The following ZNF334 variants were observed in gnomAD, a reference collection of about 807,000 sequenced individuals.
The protein encoded by ZNF334 is zinc finger protein 334.
In ZNF334, 14 loss-of-function variants were observed where a neutral mutation model predicts 12.4. The ratio of observed to expected loss-of-function variants is 1.13; its 90% CI spans 0.74 to 1.76. ZNF334 has a LOEUF of 1.76. Among genes scored for constraint, ZNF334 ranks in the 40% most tolerant of loss-of-function variants. The probability of loss-of-function intolerance (pLI) is 0.00; values close to 1 mark genes in which losing one functional copy is unlikely to be tolerated. For missense variants in ZNF334, 797 were observed against 804.5 expected, an observed-to-expected ratio of 0.99 and a Z score of 0.11; for synonymous variants, 273 against 269.6, an observed-to-expected ratio of 1.01 and a Z score of -0.12.
chr20:46,488,501 C>G, the ZNF334 span, among the ~76,000 whole-genome samples: 1 of 148,120 alleles, frequency 6.8e-6, no homozygotes, highest in Non-Finnish European at 1.5e-5. Context: ...ATTTTACTTT[C>G]ACGTTATAAG....
the ZNF334 span, among the ~76,000 whole-genome samples, chr20:46,488,419 T>TTATTTATATATATATATA: frequency 3.0e-4 from 31 of 102,214 alleles, 1 homozygote; most frequent in East Asian, 1.8e-3. Context: ...AGCTCTTATT[T>TTATTTATATATATATATA]TATATATATA....
the ZNF334 span, among the ~76,000 whole-genome samples, chr20:46,486,165 CTA>C: frequency 6.6e-6 from 1 of 152,192 alleles, no homozygotes; most frequent in African/African-American, 2.4e-5. Flanking sequence ...CACTGTTGCT[CTA>C]GTCAAGATTC....
chr20:46,468,119 G>T, the ZNF334 span, among the ~76,000 whole-genome samples: 370 of 152,280 alleles, frequency 2.4e-3, no homozygotes, highest in African/African-American at 8.3e-3. Context: ...GCTTAGCCTG[G>T]GACAGTTTTT....
intron 2 of ZNF334, chr20:46,506,535 G>A (rs1247576038): frequency 3.1e-5 from 12 of 389,664 alleles, no homozygotes; most frequent in Non-Finnish European, 5.4e-5. Flanking sequence ...AGGATCACTT[G>A]AGTCTGGGAG....
chr20:46,486,789 C>T, the ZNF334 span, among the ~76,000 whole-genome samples: 32 of 152,088 alleles, frequency 2.1e-4, no homozygotes, highest in Non-Finnish European at 8.8e-5. Flanking sequence ...ACTTGTCTTT[C>T]CTGCATCTCA....
the ZNF334 span, chr20:46,477,179 T>C: frequency 6.6e-6 from 1 of 152,122 alleles, no homozygotes; most frequent in South Asian, 2.1e-4. Flanking sequence ...ACAAAGATAA[T>C]TGCACAGATT....
chr20:46,463,707 G>T, the ZNF334 span: 1 of 217,220 alleles, frequency 4.6e-6, no homozygotes, highest in South Asian at 8.2e-5. Context: ...TTTTTCCACA[G>T]AGAAAATAAC....
chr20:46,501,639 G>T lies in ZNF334; in HGVS notation c.1700C>A (p.Thr567Lys). The T allele has an allele frequency of 6.2e-7, 1 of 1,614,040 alleles. No homozygotes were observed. The highest frequency in any genetic ancestry group is 8.5e-7 in the Non-Finnish European group (1 of 1,179,964). ...ATTACACTCATAGGGTCTCTGTCCT[G>T]TGTGTGTTCTCTGATGGTGAGTCAG... ...SALTHHQRTH[T>K]GQRPYECNEC... Residue 567 changes from threonine to lysine, a missense_variant, in exon 5 of 5, where the codon ACA becomes AAA. Coordinates refer to ENST00000692313, the MANE Select transcript of ZNF334 (RefSeq NM_001353824.2).
At chr20:46,480,690 C>CTGGG in the ZNF334 span, among the ~76,000 whole-genome samples, 1 of 152,132 alleles carries the variant, frequency 6.6e-6, no homozygotes, top group African/African-American at 2.4e-5. Flanking sequence ...AGGTAGTGAG[C>CTGGG]TGGGCTTGAT....
the ZNF334 span, among the ~76,000 whole-genome samples, chr20:46,466,486 A>AT: frequency 2.0e-5 from 3 of 151,856 alleles, no homozygotes; most frequent in African/African-American, 2.4e-5. Flanking sequence ...TTATTTATTT[A>AT]TTTATTTTAT....
At chr20:46,468,306 C>T in the ZNF334 span, among the ~76,000 whole-genome samples, 3 of 150,920 alleles carry the variant, frequency 2.0e-5, no homozygotes, top group South Asian at 2.1e-4. Context: ...GACGGAGTCT[C>T]GCTCTGTCGC....
At chr20:46,510,586 C>T (rs1344048723) in intron 2 of ZNF334, among the ~76,000 whole-genome samples, 2 of 151,568 alleles carry the variant, frequency 1.3e-5, no homozygotes, top group East Asian at 1.9e-4. Flanking sequence ...ATTAGCCAGG[C>T]GTGGTGGCGG....
chr20:46,504,119 A>G (rs1020638506), intron 4 of ZNF334, 95 bp downstream of exon 4: 25 of 823,982 alleles, frequency 3.0e-5, no homozygotes, highest in Admixed American at 2.3e-4. Context: ...ACAAAAAGAA[A>G]TTCATGAAAA....
chr20:46,504,552 A>G, intron 3 of ZNF334, 62 bp downstream of exon 3: 1 of 1,521,818 alleles, frequency 6.6e-7, no homozygotes, highest in East Asian at 2.3e-5. Context: ...AGAAATCAAC[A>G]TGTTTTTGTA....
the ZNF334 span, among the ~76,000 whole-genome samples, chr20:46,468,086 G>A: frequency 6.6e-6 from 1 of 152,186 alleles, no homozygotes; most frequent in Non-Finnish European, 1.5e-5. Flanking sequence ...ATTGATGTAG[G>A]GCAGGCAAGC....
rs117248419 is a variant in ZNF334, at chr20:46,506,444, G to A, written c.22-1704C>T. 7.6e-3 allele frequency: 3,164 copies of A among 417,692 alleles called. 83 individuals carry two copies. Among genetic ancestry groups the A allele is most frequent in the East Asian group, 0.072 (2,040 of 28,412 alleles). The allele number at this position is 417,692 out of a possible 1,614,324, so 25.9% of individuals were successfully genotyped here. A position where few individuals can be genotyped will look rare whatever the true frequency, so the allele number is the denominator to read the frequency against. On this transcript the variant is annotated intron_variant, in intron 2 of 4. Transcript: ENST00000692313. Reference sequence around the variant, plus strand: ...AGCTCAAGATCAGTCTGGGCAACACGGCAAAACCCCATCTCTACAAAAAAA... The same window carrying A: ...AGCTCAAGATCAGTCTGGGCAACACAGCAAAACCCCATCTCTACAAAAAAA...
the ZNF334 span, chr20:46,492,817 CTTTT>C: frequency 8.7e-4 from 133 of 152,228 alleles, 1 homozygote; most frequent in African/African-American, 3.1e-3. Context: ...CAGAAATGTA[CTTTT>C]TTTATTGCAC....
chr20:46,463,162 G>A, the ZNF334 span, among the ~76,000 whole-genome samples: 2 of 152,118 alleles, frequency 1.3e-5, no homozygotes, highest in East Asian at 1.9e-4. Flanking sequence ...CAGGAGAATC[G>A]CTTGAACCTA....
the ZNF334 span, among the ~76,000 whole-genome samples, chr20:46,486,765 A>T: frequency 6.6e-6 from 1 of 152,028 alleles, no homozygotes; most frequent in Non-Finnish European, 1.5e-5. Context: ...TGAATTTTAC[A>T]CTCCACCCAC....
Sources: allele counts gnomAD v4.1 joint callset (sites outside exome capture counted in the v4.1 genomes callset), GRCh38; gene constraint gnomAD v4.1.1; transcripts MANE v1.5; gene names NCBI Gene and HGNC (gene_info 2026-07-23, HGNC 2026-07-21).